Variants in ADAMTSL1 observed in about 807,000 individuals in gnomAD.
ADAMTSL1 encodes the protein ADAMTS-like protein 1.
Under a neutral mutation model 201.8 loss-of-function variants are expected in ADAMTSL1, and 126 were observed. The observed-to-expected ratio is 0.62, with a 90% confidence interval of 0.54 to 0.72. The LOEUF (loss-of-function observed/expected upper bound fraction) is 0.72, where lower values mean the gene tolerates loss of function less well. Among genes scored for constraint, ADAMTSL1 ranks in the 30% least tolerant of loss-of-function variants. The pLI is 0.00. For missense variants in ADAMTSL1, 2,679 were observed against 2,277.8 expected (o/e 1.18, Z -3.59); for synonymous variants, 1,121 against 903.4 (o/e 1.24, Z -4.32).
At chr9:18,044,509 G>A (rs754461594) in intron 1 of ADAMTSL1, among the ~76,000 whole-genome samples, 10 of 152,032 alleles carry the variant, frequency 6.6e-5, no homozygotes, top group Non-Finnish European at 1.5e-4. Flanking sequence ...GGACTTGTAG[G>A]CGGAGGGAAA....
intron 3 of ADAMTSL1, among the ~76,000 whole-genome samples, chr9:18,534,568 C>T (rs1236688751): frequency 6.6e-6 from 1 of 152,228 alleles, no homozygotes; most frequent in Admixed American, 6.5e-5. Context: ...GTTGAAGAAG[C>T]TCTTTCCTCA....
At chr9:18,142,070 C>T (rs1320056436) in intron 1 of ADAMTSL1, among the ~76,000 whole-genome samples, 2 of 152,160 alleles carry the variant, frequency 1.3e-5, no homozygotes, top group Admixed American at 6.6e-5. Flanking sequence ...CAGGAGCTTG[C>T]CTTGGATGTT....
chr9:18,267,670 C>G (rs928160366), intron 2 of ADAMTSL1, among the ~76,000 whole-genome samples: 5 of 150,858 alleles, frequency 3.3e-5, no homozygotes, highest in African/African-American at 1.2e-4. Flanking sequence ...GTTCCCAACT[C>G]ACCTTTAATA....
chr9:18,315,569 C>T (rs549320746), intron 2 of ADAMTSL1, among the ~76,000 whole-genome samples: 7 of 152,292 alleles, frequency 4.6e-5, no homozygotes, highest in South Asian at 2.1e-4. Context: ...GCACACCCTC[C>T]GCAGCTGCTG....
At chr9:18,054,231 A>G (rs1822069262) in intron 1 of ADAMTSL1, among the ~76,000 whole-genome samples, 1 of 152,240 alleles carries the variant, frequency 6.6e-6, no homozygotes, top group Non-Finnish European at 1.5e-5. Flanking sequence ...TTGAGAAACC[A>G]TGTAAAAGCC....
At chr9:17,973,365 T>G (rs1588502968) in intron 1 of ADAMTSL1, among the ~76,000 whole-genome samples, 1 of 115,204 alleles carries the variant, frequency 8.7e-6, no homozygotes, top group Non-Finnish European at 2.0e-5. Flanking sequence ...AGGGATCCAG[T>G]TTCAGCTTTC....
chr9:18,425,779 C>G (rs1819186594), intron 2 of ADAMTSL1, among the ~76,000 whole-genome samples: 1 of 149,266 alleles, frequency 6.7e-6, no homozygotes, highest in African/African-American at 2.5e-5. Context: ...GAGCTTGAGC[C>G]CAGAAGTTTG....
At position 18,517,421 on chromosome 9, in the gene ADAMTSL1, AT is replaced by A. The variant is rs144280249; in HGVS notation, c.191+12474del. ...TCATCTTTTTCTTTTTTTTTAATTT[AT>A]TTTTTTTTATTATACTTTAAGTTTT... On this transcript the variant is annotated intron_variant, in intron 2 of 28. Coordinates refer to ENST00000380548, the MANE Select transcript of ADAMTSL1 (RefSeq NM_001040272.6). 5.7e-3 allele frequency among the ~76,000 whole-genome samples: 853 copies of A among 150,572 alleles called. 18 individuals are homozygous for A. The highest frequency in any genetic ancestry group is 0.033 in the Admixed American group (498 of 15,126).
intron 2 of ADAMTSL1, among the ~76,000 whole-genome samples, chr9:18,459,678 TA>T (rs1368696258): frequency 6.6e-6 from 1 of 152,166 alleles, no homozygotes; most frequent in Admixed American, 6.5e-5. Context: ...TATCAAATTT[TA>T]CAAAAATTGA....
chr9:18,145,688 G>A (rs1356833775), intron 1 of ADAMTSL1, among the ~76,000 whole-genome samples: 4 of 152,120 alleles, frequency 2.6e-5, no homozygotes, highest in Non-Finnish European at 4.4e-5. Context: ...CTTGAGTTTG[G>A]TGATGAGTTT....
intron 1 of ADAMTSL1, among the ~76,000 whole-genome samples, chr9:17,985,422 A>G (rs928664896): frequency 2.0e-4 from 30 of 152,290 alleles, no homozygotes; most frequent in African/African-American, 7.0e-4. Flanking sequence ...CTTCTAACAC[A>G]TAAAATTTAA....
chr9:18,322,040 G>A (rs1266879937), intron 2 of ADAMTSL1, among the ~76,000 whole-genome samples: 3 of 152,196 alleles, frequency 2.0e-5, no homozygotes, highest in Admixed American at 2.0e-4. Context: ...CTTAATCTGA[G>A]TCAGGTAAGA....
chr9:18,478,377 T>C (rs980867173), intron 1 of ADAMTSL1, among the ~76,000 whole-genome samples: 3 of 152,150 alleles, frequency 2.0e-5, no homozygotes, highest in African/African-American at 4.8e-5. Context: ...CCAGGAAAAA[T>C]ACTGGGTCCT....
Position 18,355,197 on chromosome 9 carries a change from T to C in ADAMTSL1, c.208-149632T>C, listed in dbSNP as rs370872953. 1.5e-3 allele frequency among the ~76,000 whole-genome samples: 225 copies of C among 152,310 alleles called. 4 individuals carry two copies. In the South Asian group the frequency reaches 0.045, roughly 31 times the overall value. On this transcript the variant is annotated intron_variant, in intron 2 of 29. Transcript: ENST00000680146. ...ATCTCTTTGTAGAATGGTATCACTG[T>C]TCTCCCTTTCTCAGGCAGTACTATA...
rs925897092 is a variant in ADAMTSL1 at position 18,718,031 on chromosome 9, T to C, written c.1877-3505T>C. On this transcript the variant is annotated intron_variant, in intron 14 of 28. Transcript: ENST00000380548. ...CTTCCCAGGCACTGGAGTTTTTCTG[T>C]TAATCTGCCGCACTAGGTCATAAAA... is the stretch of plus-strand genomic sequence containing the variant. The C allele has an allele frequency of 9.4e-6, 15 of 1,589,376 alleles. No individual in the cohort carries two copies. In the Admixed American group the frequency reaches 2.3e-4, roughly 25 times the overall value.
chr9:18,680,410 T>G lies in ADAMTSL1; in HGVS notation c.1235T>G (p.Val412Gly). Residue 412 changes from valine to glycine, a missense_variant, in exon 11 of 29, where the codon GTC becomes GGC. Physicochemically the swap from Val to Gly is moderately radical, Grantham distance 109. Transcript: ENST00000380548. ...GTGGAGGAGGACATCCAGGGGCATG[T>G]CACTTCAGTGGAAGAGTGGAAATGC... ...SCVEEDIQGH[V>G]TSVEEWKCMY... is the part of the protein sequence containing the mutation. 1 of 1,614,152 alleles carries G rather than the reference T, an allele frequency of 6.2e-7. No homozygotes were observed. The highest frequency in any genetic ancestry group is 8.5e-7 in the Non-Finnish European group (1 of 1,180,014).
intron 2 of ADAMTSL1, among the ~76,000 whole-genome samples, chr9:18,194,662 C>G (rs534306080): frequency 3.9e-5 from 6 of 152,200 alleles, no homozygotes; most frequent in African/African-American, 1.4e-4. Flanking sequence ...GTGTATATGC[C>G]TCGTGGCCCA....
At chr9:18,068,630 C>T (rs1440600149) in intron 1 of ADAMTSL1, among the ~76,000 whole-genome samples, 1 of 152,160 alleles carries the variant, frequency 6.6e-6, no homozygotes, top group East Asian at 1.9e-4. Context: ...AGCAGAGGTT[C>T]TCAGCTGGAG....
At chr9:17,990,352 A>G (rs1277875125) in intron 1 of ADAMTSL1, among the ~76,000 whole-genome samples, 1 of 152,032 alleles carries the variant, frequency 6.6e-6, no homozygotes, top group African/African-American at 2.4e-5. Context: ...CTGAAGGTTT[A>G]CATACTTAAT....
Sources: gnomAD v4.1 joint callset for allele counts (sites outside exome capture counted in the v4.1 genomes callset) on GRCh38, gnomAD v4.1.1 for gene constraint, MANE v1.5 for transcripts, NCBI Gene and HGNC (gene_info 2026-07-23, HGNC 2026-07-21) for gene names.